Variants in PPP2R1A observed in about 807,000 individuals in gnomAD.
PPP2R1A encodes the protein protein phosphatase 2 scaffold subunit Aalpha, also known as serine/threonine-protein phosphatase 2A 65 kDa regulatory subunit A alpha isoform.
Under a neutral mutation model 67.1 loss-of-function variants are expected in PPP2R1A, and 15 were observed. The observed-to-expected ratio is 0.22, with a 90% CI of 0.15 to 0.34. The LOEUF is 0.34. PPP2R1A is among the 10% of genes least tolerant of loss of function. PPP2R1A has a pLI of 1.00. For missense variants in PPP2R1A, 369 were observed against 775.0 expected (o/e 0.48, Z 6.22); for synonymous variants, 337 against 325.0 (o/e 1.04, Z -0.40).
At chr19:52,210,686 G>T (rs941840476) in intron 3 of PPP2R1A, among the ~76,000 whole-genome samples, 2 of 151,958 alleles carry the variant, frequency 1.3e-5, no homozygotes, top group Non-Finnish European at 2.9e-5. Flanking sequence ...TAGAAACGGG[G>T]TTTCACCATA....
chr19:52,197,668 C>T (rs769625494), intron 1 of PPP2R1A, among the ~76,000 whole-genome samples: 5 of 152,054 alleles, frequency 3.3e-5, no homozygotes, highest in Non-Finnish European at 5.9e-5. Flanking sequence ...GAGTGAGACC[C>T]TGCCTCAAAA....
At chr19:52,194,787 G>T (rs766798265) in intron 1 of PPP2R1A, among the ~76,000 whole-genome samples, 1 of 152,112 alleles carries the variant, frequency 6.6e-6, no homozygotes, top group African/African-American at 2.4e-5. Context: ...ATCAGCGTGT[G>T]CCTGGTTGTG....
rs1288365197 is a variant in PPP2R1A at position 52,213,148 on chromosome 19, GA to G, written c.807+39del. 1 of 1,511,960 alleles carries G rather than the reference GA, an allele frequency of 6.6e-7. No individual in the cohort carries two copies. 93.7% of individuals were successfully genotyped at this position (1,511,960 alleles called of 1,614,324 possible). A position where few individuals can be genotyped will look rare whatever the true frequency, so the allele number is the denominator to read the frequency against. Reference sequence around the variant, plus strand: ...CCGTTGACATTGTCCCACTGGTGGGGACACTGACACTCTCAGAAGGGAAGCA... The same window carrying G: ...CCGTTGACATTGTCCCACTGGTGGGGCACTGACACTCTCAGAAGGGAAGCA... On this transcript the variant is annotated intron_variant, in intron 6 of 14. Transcript: ENST00000322088. The surrounding 1 kb of genome is among the most constrained non-coding windows in gnomAD (Gnocchi z 4.2).
At position 52,190,726 on chromosome 19, in the gene PPP2R1A, A is replaced by AC. The variant is rs969514928; in HGVS notation, c.78+559dup. Among the ~76,000 whole-genome samples the AC allele has an allele frequency of 4.3e-4, 65 of 151,312 alleles. No individual in the cohort carries two copies. The East Asian group carries it at 9.2e-3, about 21-fold the overall frequency. Reference sequence around the variant, plus strand: ...CCTAAGAGGACGGGGACGCAAAAACACCCCCCCACCAAAGGTGGGGACTAG... The same window carrying AC: ...CCTAAGAGGACGGGGACGCAAAAACACCCCCCCCACCAAAGGTGGGGACTAG... On this transcript the variant is annotated intron_variant, in intron 1 of 14. Coordinates refer to ENST00000322088, the MANE Select transcript of PPP2R1A (RefSeq NM_014225.6).
At chr19:52,191,651 C>A (rs931313626) in intron 1 of PPP2R1A, among the ~76,000 whole-genome samples, 1 of 152,170 alleles carries the variant, frequency 6.6e-6, no homozygotes, top group African/African-American at 2.4e-5. Context: ...GTTAGTTAAT[C>A]TCTCTAGGCC....
rs963558103 is a variant in PPP2R1A, at chr19:52,213,967, C to G, written c.807+857C>G. On this transcript the variant is annotated intron_variant, in intron 6 of 14. Transcript: ENST00000322088. The surrounding 1 kb of genome is among the most constrained non-coding windows in gnomAD (Gnocchi z 4.2). ...GCCAGTGAATTCGGATCATTCCTGG[C>G]CTTCATGGAGCTAGGCAGTCTGAAG... Among the ~76,000 whole-genome samples, 1 of 152,002 alleles carries G rather than the reference C, an allele frequency of 6.6e-6. No homozygotes were observed. The highest frequency in any genetic ancestry group is 1.5e-5 in the Non-Finnish European group (1 of 67,996).
intron 1 of PPP2R1A, among the ~76,000 whole-genome samples, chr19:52,194,678 C>T (rs1419403566): frequency 1.3e-5 from 2 of 152,026 alleles, no homozygotes; most frequent in Non-Finnish European, 2.9e-5. Flanking sequence ...AGTTTGAACC[C>T]CCGCTCTGCC....
intron 1 of PPP2R1A, among the ~76,000 whole-genome samples, chr19:52,190,479 A>G (rs374655305): frequency 1.8e-4 from 27 of 152,144 alleles, no homozygotes; most frequent in African/African-American, 6.5e-4. Flanking sequence ...GGTCTGGGAG[A>G]GAGGAGGACT....
At chr19:52,206,688 C>T (rs995466957) in intron 3 of PPP2R1A, among the ~76,000 whole-genome samples, 2 of 152,166 alleles carry the variant, frequency 1.3e-5, no homozygotes, top group Non-Finnish European at 2.9e-5. Flanking sequence ...CCCCACCCCA[C>T]TGCCTGCCTG....
At position 52,212,969 on chromosome 19, in the gene PPP2R1A, G is replaced by A; in HGVS notation, c.666G>A (p.Leu222=). 2 of 1,601,094 alleles carry A rather than the reference G, an allele frequency of 1.2e-6. No individual in the cohort carries two copies. Among genetic ancestry groups the A allele is most frequent in the Non-Finnish European group, 1.7e-6 (2 of 1,173,894 alleles). ...CCTCTCCCTAGGACTCGGTGCGGCTGCTGGCGGTGGAGGCGTGCGTGAACA... is the reference window on the plus strand; with the variant it reads ...CCTCTCCCTAGGACTCGGTGCGGCTACTGGCGGTGGAGGCGTGCGTGAACA... ...LASDEQDSVR[L]LAVEACVNIA... The change falls in exon 6 of 15, where the codon CTG becomes CTA. Residue 222 remains leucine, a synonymous_variant. Coordinates refer to ENST00000322088, the MANE Select transcript of PPP2R1A (RefSeq NM_014225.6). This position sits in a 1 kb window ranked among gnomAD's most constrained non-coding sequence, Gnocchi z 4.1.
At chr19:52,217,580 G>A (rs965756716) in intron 9 of PPP2R1A, among the ~76,000 whole-genome samples, 6 of 152,180 alleles carry the variant, frequency 3.9e-5, no homozygotes, top group Admixed American at 1.3e-4. Context: ...CCATTAAGGT[G>A]TTACAGGTGC....
chr19:52,201,912 A>C (rs538075795), intron 1 of PPP2R1A, 32 bp from the exon 2 acceptor site: 1 of 1,602,222 alleles, frequency 6.2e-7, no homozygotes, highest in African/African-American at 1.3e-5. Flanking sequence ...GATTTCTAAC[A>C]TTCTCCCCTC....
chr19:52,205,141 A>G (rs10415398), intron 2 of PPP2R1A, among the ~76,000 whole-genome samples: 2,133 of 152,242 alleles, frequency 0.014, 50 homozygotes, highest in African/African-American at 0.049. Flanking sequence ...CTGGATTGCC[A>G]TACACCCAAC....
rs778270058 is a variant in PPP2R1A, at chr19:52,212,807, T to C, written c.625T>C (p.Phe209Leu). ...DNVKSEIIPM[F>L]SNLASDEQDS... ...CGTCAAGAGTGAGATCATCCCCATG[T>C]TCTCCAACCTGGCCTCTGACGAGCA... The change falls in exon 5 of 15, where the codon TTC becomes CTC. Residue 209 changes from phenylalanine (F) to leucine (L), a missense_variant. Coordinates refer to ENST00000322088, the MANE Select transcript of PPP2R1A (RefSeq NM_014225.6). This position sits in a 1 kb window ranked among gnomAD's most constrained non-coding sequence, Gnocchi z 4.1. 1 of 1,608,958 alleles carries C rather than the reference T, an allele frequency of 6.2e-7. No individual in the cohort carries two copies. The highest frequency in any genetic ancestry group is 8.5e-7 in the Non-Finnish European group (1 of 1,176,708).
intron 1 of PPP2R1A, among the ~76,000 whole-genome samples, chr19:52,197,173 T>C (rs1327682674): frequency 2.0e-5 from 3 of 152,218 alleles, no homozygotes; most frequent in Non-Finnish European, 2.9e-5. Flanking sequence ...TTCCCTTCTG[T>C]TATAGATTAT....
chr19:52,210,395 T>C (rs964240287), intron 3 of PPP2R1A, among the ~76,000 whole-genome samples: 3 of 151,990 alleles, frequency 2.0e-5, no homozygotes, highest in Non-Finnish European at 4.4e-5. Context: ...TGTGTGTAAC[T>C]GTTCATGGGA....
intron 3 of PPP2R1A, among the ~76,000 whole-genome samples, chr19:52,210,093 AT>A (rs111346713): frequency 3.5e-4 from 53 of 150,330 alleles, no homozygotes; most frequent in African/African-American, 1.0e-3. Context: ...TCCATTTATG[AT>A]TTTTTTTTTC....
rs931753141 is a variant in PPP2R1A, at chr19:52,212,386, G to A, written c.504-300G>A. Reference sequence around the variant, plus strand: ...AGGTATGAGCCACTGTGCCTGGCTCGTTGGTTAAGCAATTTTTATGGGAAT... The same window carrying A: ...AGGTATGAGCCACTGTGCCTGGCTCATTGGTTAAGCAATTTTTATGGGAAT... On this transcript the variant is annotated intron_variant, in intron 4 of 14. Transcript: ENST00000322088. This position sits in a 1 kb window ranked among gnomAD's most constrained non-coding sequence, Gnocchi z 4.1. The A allele has an allele frequency of 5.2e-5, 20 of 382,250 alleles. No homozygotes were observed. The highest frequency in any genetic ancestry group is 2.8e-4 in the African/African-American group (13 of 47,044). 23.7% of individuals were successfully genotyped at this position (382,250 alleles called of 1,614,324 possible).
intron 1 of PPP2R1A, among the ~76,000 whole-genome samples, chr19:52,198,613 A>G (rs1191191311): frequency 1.3e-5 from 2 of 152,096 alleles, no homozygotes; most frequent in Non-Finnish European, 2.9e-5. Flanking sequence ...TGGGGATGCC[A>G]CCCTCCAAGA....
Sources: allele counts gnomAD v4.1 joint callset (sites outside exome capture counted in the v4.1 genomes callset), GRCh38; gene constraint gnomAD v4.1.1; non-coding constraint Gnocchi (gnomAD v3.1); transcripts MANE v1.5; gene names NCBI Gene and HGNC (gene_info 2026-07-23, HGNC 2026-07-21).